NYAP2: variants seen among roughly 807,000 people sequenced by gnomAD.
The protein encoded by NYAP2 is neuronal tyrosine-phosphorylated phosphoinositide-3-kinase adaptor 2.
NYAP2 carries 23 observed loss-of-function variants against 50.4 expected under a neutral mutation model. That is an observed-to-expected ratio of 0.46 (90% CI 0.33 to 0.65). NYAP2 has a LOEUF of 0.65. NYAP2 is among the 30% of genes least tolerant of loss of function. The probability of loss-of-function intolerance (pLI) is 0.02; values close to 1 mark genes in which losing one functional copy is unlikely to be tolerated. For missense variants in NYAP2, 885 were observed against 861.0 expected (o/e 1.03, Z -0.35); for synonymous variants, 394 against 365.2 (o/e 1.08, Z -0.90).
At chr2:225,471,890 T>C (rs887498224) in intron 3 of NYAP2, among the ~76,000 whole-genome samples, 15 of 152,166 alleles carry the variant, frequency 9.9e-5, no homozygotes, top group African/African-American at 3.6e-4. Flanking sequence ...GCAGCAAACC[T>C]ATCAGACATC....
intron 5 of NYAP2, among the ~76,000 whole-genome samples, chr2:225,591,766 C>T (rs1275992272): frequency 6.6e-6 from 1 of 152,178 alleles, no homozygotes; most frequent in Non-Finnish European, 1.5e-5. Context: ...CTTGATCAAT[C>T]TCTCCAAAAT....
At chr2:225,590,061 C>G (rs920112985) in intron 5 of NYAP2, among the ~76,000 whole-genome samples, 1 of 152,214 alleles carries the variant, frequency 6.6e-6, no homozygotes, top group Non-Finnish European at 1.5e-5. Flanking sequence ...CTGAAGCCAC[C>G]TCAGAGGATA....
intron 5 of NYAP2, among the ~76,000 whole-genome samples, chr2:225,623,197 A>T (rs1053883833): frequency 6.6e-6 from 1 of 152,222 alleles, no homozygotes; most frequent in Non-Finnish European, 1.5e-5. Context: ...GGCAAAGGCT[A>T]TTTATTCAGA....
At chr2:225,681,988 T>C in the NYAP2 span, among the ~76,000 whole-genome samples, 23 of 152,192 alleles carry the variant, frequency 1.5e-4, no homozygotes, top group African/African-American at 5.1e-4. Context: ...ATTGTTTGTA[T>C]TGTTTTTAGC....
upstream of NYAP2, among the ~76,000 whole-genome samples, chr2:225,399,500 C>T (rs560274704): frequency 6.6e-6 from 1 of 151,980 alleles, no homozygotes; most frequent in African/African-American, 2.4e-5. Context: ...TAATGACATA[C>T]ATATCATAAT....
chr2:225,693,445 G>T, the NYAP2 span, among the ~76,000 whole-genome samples: 2 of 152,040 alleles, frequency 1.3e-5, no homozygotes, highest in African/African-American at 2.4e-5. Context: ...GTTTACTACG[G>T]TTGATCGCCT....
chr2:225,494,503 C>A (rs1376365788), intron 3 of NYAP2, among the ~76,000 whole-genome samples: 1 of 152,192 alleles, frequency 6.6e-6, no homozygotes, highest in Non-Finnish European at 1.5e-5. Context: ...ATTTAGCATT[C>A]ATTTCTTCTC....
intron 6 of NYAP2, among the ~76,000 whole-genome samples, chr2:225,640,443 A>G (rs17482725): frequency 0.2 from 29,691 of 152,042 alleles, 3,703 homozygotes; most frequent in Admixed American, 0.32. Flanking sequence ...CAAAAGGATG[A>G]CCCCTGCCTT....
chr2:225,464,506 A>G (rs757559656), intron 3 of NYAP2, among the ~76,000 whole-genome samples: 14 of 152,196 alleles, frequency 9.2e-5, no homozygotes, highest in Non-Finnish European at 1.8e-4. Context: ...AGAAATTCCA[A>G]TGCTAGGTCA....
chr2:225,532,357 T>C (rs1015272585), intron 4 of NYAP2, among the ~76,000 whole-genome samples: 3 of 152,226 alleles, frequency 2.0e-5, no homozygotes, highest in Non-Finnish European at 4.4e-5. Context: ...TTTGATTTTA[T>C]GGCTCTATAG....
chr2:225,548,298 CTT>C (rs1691618369), intron 4 of NYAP2, among the ~76,000 whole-genome samples: 1 of 148,348 alleles, frequency 6.7e-6, no homozygotes, highest in Non-Finnish European at 1.5e-5. Flanking sequence ...TTCCTTAACT[CTT>C]ATAGTCAAGA....
chr2:225,565,817 C>T (rs1304925841), intron 4 of NYAP2, among the ~76,000 whole-genome samples: 1 of 152,050 alleles, frequency 6.6e-6, no homozygotes, highest in Non-Finnish European at 1.5e-5. Flanking sequence ...TTGACTTTCC[C>T]AAGGTTATAC....
chr2:225,423,717 G>A (rs968831667), intron 3 of NYAP2, among the ~76,000 whole-genome samples: 18 of 152,038 alleles, frequency 1.2e-4, no homozygotes, highest in African/African-American at 4.4e-4. Context: ...TTAGTGACAG[G>A]CTCATAATGC....
intron 2 of NYAP2, among the ~76,000 whole-genome samples, chr2:225,407,475 G>A (rs181904498): frequency 8.0e-4 from 122 of 151,946 alleles, no homozygotes; most frequent in African/African-American, 2.8e-3. Flanking sequence ...CTTAAATTCA[G>A]GATGGGTTCC....
intron 4 of NYAP2, among the ~76,000 whole-genome samples, chr2:225,538,838 C>CTTTTTA (rs1691404735): frequency 1.9e-5 from 1 of 53,838 alleles, no homozygotes; most frequent in South Asian, 4.1e-4. Context: ...TTCTTTCTTT[C>CTTTTTA]TTTCTTTCTT....
intron 3 of NYAP2, among the ~76,000 whole-genome samples, chr2:225,503,043 T>A (rs1690634554): frequency 1.3e-5 from 2 of 152,234 alleles, no homozygotes; most frequent in Admixed American, 1.3e-4. Flanking sequence ...TAAGGCCTTC[T>A]GCTCAGGAAG....
chr2:225,427,081 T>C lies in NYAP2; in HGVS notation c.221+17980T>C, dbSNP rs78440572. 4.8e-3 allele frequency among the ~76,000 whole-genome samples: 730 copies of C among 152,302 alleles called. 6 individuals are homozygous for C. Among genetic ancestry groups the C allele is most frequent in the Middle Eastern group, 0.014 (4 of 294 alleles). On this transcript the variant is annotated intron_variant, in intron 3 of 6. Coordinates refer to ENST00000636099, the Ensembl canonical transcript of NYAP2. ...GTTGGGCAATCAAACCTAGAATCTTTGTGTAAGAAAAATGGAAAGTTTGAA... is the reference window on the plus strand; with the variant it reads ...GTTGGGCAATCAAACCTAGAATCTTCGTGTAAGAAAAATGGAAAGTTTGAA...
intron 3 of NYAP2, among the ~76,000 whole-genome samples, chr2:225,411,708 C>A (rs1056681714): frequency 6.6e-6 from 1 of 151,844 alleles, no homozygotes; most frequent in African/African-American, 2.4e-5. Context: ...GAGGGGAGAA[C>A]CACAAAGGAG....
intron 5 of NYAP2, among the ~76,000 whole-genome samples, chr2:225,599,802 T>G (rs1251333379): frequency 6.6e-6 from 1 of 152,256 alleles, no homozygotes; most frequent in Non-Finnish European, 1.5e-5. Context: ...TCTGTGTTAC[T>G]GCTTCATAGT....
Sources: gnomAD v4.1 joint callset for allele counts (sites outside exome capture counted in the v4.1 genomes callset) on GRCh38, gnomAD v4.1.1 for gene constraint, MANE v1.5 for transcripts, NCBI Gene and HGNC (gene_info 2026-07-23, HGNC 2026-07-21) for gene names.